CDH22: variants seen among roughly 807,000 people sequenced by gnomAD.
The protein encoded by CDH22 is cadherin-22.
Under a neutral mutation model 58.4 loss-of-function variants are expected in CDH22, and 30 were observed. That is an observed-to-expected ratio of 0.51 (90% CI 0.38 to 0.70). CDH22 has a LOEUF of 0.70. Among genes scored for constraint, CDH22 ranks in the 30% least tolerant of loss-of-function variants. The pLI is 0.00. For synonymous variants in CDH22, 513 were observed against 558.2 expected, an observed-to-expected ratio of 0.92 and a Z score of 1.14; for missense variants, 1,014 against 1,233.9, an observed-to-expected ratio of 0.82 and a Z score of 2.67.
chr20:46,210,416 C>CG lies in CDH22; in HGVS notation c.1176dup (p.Glu393ArgfsTer41), dbSNP rs768497155. 1.4e-6 allele frequency: 2 copies of CG among 1,458,774 alleles called. No homozygotes were observed. 90.4% of individuals were successfully genotyped at this position (1,458,774 alleles called of 1,614,324 possible). ...AGGAGGCCGGAGGGCGGCCGGAACT[C>CG]GGGGGGCTCGTCCACGTCGGTCACG... On this transcript the variant is annotated frameshift_variant, in exon 7 of 12. Coordinates refer to ENST00000537909, the MANE Select transcript of CDH22 (RefSeq NM_021248.3). LOFTEE classifies it high-confidence loss of function. This position sits in a 1 kb window ranked among gnomAD's most constrained non-coding sequence, Gnocchi z 4.5.
chr20:46,189,837 T>C (rs1056141452), intron 8 of CDH22, among the ~76,000 whole-genome samples: 1 of 152,196 alleles, frequency 6.6e-6, no homozygotes, highest in African/African-American at 2.4e-5. Context: ...CCCAGGTCAG[T>C]ACCCATTGCC....
intron 1 of CDH22, among the ~76,000 whole-genome samples, chr20:46,287,168 C>T (rs1480252455): frequency 6.6e-6 from 1 of 152,144 alleles, no homozygotes; most frequent in East Asian, 1.9e-4. Flanking sequence ...TGAATAACCT[C>T]TTCTGGGCCT....
intron 10 of CDH22, among the ~76,000 whole-genome samples, chr20:46,183,461 C>T (rs1414557272): frequency 6.6e-6 from 1 of 152,202 alleles, no homozygotes; most frequent in Non-Finnish European, 1.5e-5. Flanking sequence ...CAAGGTCTCA[C>T]TCTGTCTTCC....
At chr20:46,259,462 C>T (rs940124613) in intron 1 of CDH22, among the ~76,000 whole-genome samples, 2 of 152,236 alleles carry the variant, frequency 1.3e-5, no homozygotes, top group Admixed American at 6.5e-5. Flanking sequence ...CTATGTGCCA[C>T]ACCACCTGTA....
rs2085829111 is a variant in CDH22 at position 46,186,810 on chromosome 20, A to T, written c.1545+16T>A. 2.5e-6 allele frequency: 4 copies of T among 1,597,150 alleles called. No individual in the cohort carries two copies. The South Asian group carries it at 4.5e-5, about 18-fold the overall frequency. On this transcript the variant is annotated intron_variant, in intron 9 of 11. Transcript: ENST00000537909. ...GTCCTGGAAGCAACGCCCAGTCCCC[A>T]CCCCCTCAGGGGTACCTGGCCTGGC...
chr20:46,179,853 T>C (rs1247587718), intron 10 of CDH22, among the ~76,000 whole-genome samples: 1 of 152,224 alleles, frequency 6.6e-6, no homozygotes, highest in Non-Finnish European at 1.5e-5. Context: ...TTCCCTGTGC[T>C]GCACCCGCTG....
At chr20:46,268,240 G>A (rs1229476886) in intron 1 of CDH22, among the ~76,000 whole-genome samples, 1 of 152,200 alleles carries the variant, frequency 6.6e-6, no homozygotes, top group Admixed American at 6.5e-5. Context: ...CAGGCAAGAC[G>A]TGGCCTGAGC....
chr20:46,292,509 G>A (rs3848731), intron 1 of CDH22, among the ~76,000 whole-genome samples: 37,807 of 152,124 alleles, frequency 0.25, 5,096 homozygotes, highest in East Asian at 0.39. Context: ...GTTTGGATTA[G>A]AGAATCGCAA....
At chr20:46,304,744 T>A (rs2086666843) in intron 1 of CDH22, among the ~76,000 whole-genome samples, 1 of 152,196 alleles carries the variant, frequency 6.6e-6, no homozygotes, top group East Asian at 1.9e-4. Context: ...GTGTGCCCAT[T>A]GTAAGAGAGC....
At chr20:46,191,994 A>T (rs1346288138) in intron 8 of CDH22, among the ~76,000 whole-genome samples, 2 of 151,920 alleles carry the variant, frequency 1.3e-5, no homozygotes, top group East Asian at 3.9e-4. Flanking sequence ...CTTGGCCCAG[A>T]TTTCTTCTAG....
At chr20:46,188,462 T>C (rs2085841857) in intron 8 of CDH22, among the ~76,000 whole-genome samples, 1 of 152,182 alleles carries the variant, frequency 6.6e-6, no homozygotes, top group South Asian at 2.1e-4. Context: ...TATATCCTAC[T>C]GCTCAAGGAC....
intron 8 of CDH22, among the ~76,000 whole-genome samples, chr20:46,189,366 G>C (rs911794568): frequency 3.3e-5 from 5 of 152,202 alleles, no homozygotes; most frequent in East Asian, 1.9e-4. Context: ...TTGGGAAGAG[G>C]GGGGTGAGGC....
intron 4 of CDH22, among the ~76,000 whole-genome samples, chr20:46,226,392 C>T (rs2086175490): frequency 1.3e-5 from 2 of 151,320 alleles, no homozygotes; most frequent in African/African-American, 4.9e-5. Context: ...CTCAAGCAAT[C>T]ATCCCACCTC....
At chr20:46,198,178 C>G (rs1221972767) in intron 8 of CDH22, among the ~76,000 whole-genome samples, 2 of 151,934 alleles carry the variant, frequency 1.3e-5, no homozygotes, top group Non-Finnish European at 2.9e-5. Flanking sequence ...TGGCCTCTCT[C>G]CCAGTGCTCT....
chr20:46,276,387 G>C (rs2086517328), intron 1 of CDH22, among the ~76,000 whole-genome samples: 1 of 152,254 alleles, frequency 6.6e-6, no homozygotes, highest in African/African-American at 2.4e-5. Flanking sequence ...GCTTCAGGGA[G>C]GCTGGATAGG....
intron 1 of CDH22, among the ~76,000 whole-genome samples, chr20:46,283,922 C>G (rs921370047): frequency 6.6e-6 from 1 of 152,124 alleles, no homozygotes; most frequent in Non-Finnish European, 1.5e-5. Context: ...CTTCCCTGAG[C>G]AGCAGATGAA....
intron 1 of CDH22, among the ~76,000 whole-genome samples, chr20:46,262,008 A>G (rs1426452157): frequency 6.6e-6 from 1 of 152,070 alleles, no homozygotes; most frequent in Non-Finnish European, 1.5e-5. Flanking sequence ...TGATGTGTGC[A>G]GGGGTGGCAT....
Position 46,213,201 on chromosome 20 carries a change from C to T in CDH22, c.839-13G>A, listed in dbSNP as rs776207843. On this transcript the variant is annotated splice_polypyrimidine_tract_variant and intron_variant, in intron 5 of 11. Coordinates refer to ENST00000537909, the MANE Select transcript of CDH22 (RefSeq NM_021248.3). The stretch of plus-strand genomic sequence containing the variant: ...AACTGGTACATCTCTGTGGGGGACA[C>T]GGCCATGAGCAGGGATGAAGGCAGC... 1.5e-5 allele frequency: 24 copies of T among 1,612,288 alleles called. 1 individual carries two copies. In the South Asian group the frequency reaches 1.5e-4, roughly 10 times the overall value.
intron 8 of CDH22, among the ~76,000 whole-genome samples, chr20:46,196,556 G>A (rs997442639): frequency 6.6e-6 from 1 of 152,194 alleles, no homozygotes; most frequent in African/African-American, 2.4e-5. Flanking sequence ...TTACAGGCGT[G>A]AGCCACTGTG....
Sources: allele counts gnomAD v4.1 joint callset (sites outside exome capture counted in the v4.1 genomes callset), GRCh38; gene constraint gnomAD v4.1.1; non-coding constraint Gnocchi (gnomAD v3.1); transcripts MANE v1.5; gene names NCBI Gene and HGNC (gene_info 2026-07-23, HGNC 2026-07-21).